Variants in ADAMTS17 observed in about 807,000 individuals in gnomAD.
ADAMTS17 encodes the protein ADAM metallopeptidase with thrombospondin type 1 motif 17.
In ADAMTS17, 113 loss-of-function variants were observed where a neutral mutation model predicts 141.5. The observed-to-expected ratio is 0.80, with a 90% CI of 0.69 to 0.93. The LOEUF (loss-of-function observed/expected upper bound fraction) is 0.93. ADAMTS17 is among the 40% of genes least tolerant of loss of function. The pLI, the probability that ADAMTS17 is intolerant of heterozygous loss-of-function variation, is 0.00. For synonymous variants in ADAMTS17, 768 were observed against 630.6 expected (o/e 1.22, Z -3.27); for missense variants, 1,659 against 1,517.9 (o/e 1.09, Z -1.54).
At chr15:100,261,325 T>C (rs999631711) in intron 6 of ADAMTS17, among the ~76,000 whole-genome samples, 154 bp downstream of exon 6, 1 of 152,220 alleles carries the variant, frequency 6.6e-6, no homozygotes, top group African/African-American at 2.4e-5. Context: ...ATACCACCGT[T>C]AACCCCCACT....
intron 15 of ADAMTS17, among the ~76,000 whole-genome samples, chr15:100,076,929 T>C (rs540045113): frequency 2.0e-5 from 3 of 152,292 alleles, no homozygotes; most frequent in Admixed American, 6.5e-5. Flanking sequence ...GCTCTATTTT[T>C]TTGCTTAAAT....
At chr15:100,236,299 A>AAAC (rs1360202661) in intron 7 of ADAMTS17, among the ~76,000 whole-genome samples, 1 of 150,966 alleles carries the variant, frequency 6.6e-6, no homozygotes, top group African/African-American at 2.4e-5. Context: ...AAAAAAAAAA[A>AAAC]ACCCTAACAA....
intron 7 of ADAMTS17, among the ~76,000 whole-genome samples, chr15:100,234,079 G>A (rs1004302261): frequency 2.0e-5 from 3 of 152,162 alleles, no homozygotes; most frequent in Admixed American, 2.0e-4. Flanking sequence ...TGGCAGGGAG[G>A]AGACCCAGCA....
intron 7 of ADAMTS17, among the ~76,000 whole-genome samples, chr15:100,215,320 T>C (rs1010669781): frequency 2.0e-5 from 3 of 152,364 alleles, no homozygotes; most frequent in Middle Eastern, 3.4e-3. Context: ...TTAGATTTCA[T>C]GTCTGGATCT....
At chr15:99,983,295 G>A (rs2727210) in intron 20 of ADAMTS17, among the ~76,000 whole-genome samples, 2,514 of 152,250 alleles carry the variant, frequency 0.017, 66 homozygotes, top group South Asian at 0.079. Context: ...TCAATAAGTG[G>A]TGTCTGCTGG....
At chr15:100,075,150 T>C (rs1048813737) in intron 15 of ADAMTS17, among the ~76,000 whole-genome samples, 4 of 152,236 alleles carry the variant, frequency 2.6e-5, no homozygotes, top group Admixed American at 6.5e-5. Context: ...AGAATAATTA[T>C]GGTGCATCCT....
intron 10 of ADAMTS17, among the ~76,000 whole-genome samples, chr15:100,134,479 G>A (rs558142966): frequency 6.6e-6 from 1 of 152,330 alleles, no homozygotes; most frequent in Non-Finnish European, 1.5e-5. Flanking sequence ...ACCCTCCAGG[G>A]TGTGGCCAGG....
In ADAMTS17 at chr15:100,132,006, CG is replaced by C. The variant is rs779966272; in HGVS notation, c.1721del (p.Pro575LeufsTer13). 2.5e-6 allele frequency: 4 copies of C among 1,613,974 alleles called. No individual in the cohort carries two copies. Among genetic ancestry groups the C allele is most frequent in the Non-Finnish European group, 8.5e-7 (1 of 1,180,032 alleles). ...RFRQRKCDNP[P>X]PGPGGTHCPG... ...GGGGTATGGCTGGTCAGGGGACTTA[CG>C]GGGGGTTGTCACATTTCCTCTGCCT... On this transcript the variant is annotated frameshift_variant and splice_region_variant, in exon 12 of 22. Coordinates refer to ENST00000268070, the MANE Select transcript of ADAMTS17 (RefSeq NM_139057.4). LOFTEE classifies it high-confidence loss of function.
rs188682639 is a variant in ADAMTS17 at position 100,033,432 on chromosome 15, C to G, written c.2591+15425G>C. On this transcript the variant is annotated intron_variant, in intron 18 of 21. Coordinates refer to ENST00000268070, the MANE Select transcript of ADAMTS17 (RefSeq NM_139057.4). ...AGGGATTTTCCAGTACAGTAGCCCT[C>G]TTGCTAACAGACTTGCCTGCTCTCA... is the stretch of plus-strand genomic sequence containing the variant. Among the ~76,000 whole-genome samples the G allele has an allele frequency of 1.3e-3, 198 of 152,326 alleles. 1 individual carries two copies. Among genetic ancestry groups the G allele is most frequent in the African/African-American group, 4.5e-3 (188 of 41,582 alleles).
chr15:100,079,802 G>T (rs1161965170), intron 15 of ADAMTS17, among the ~76,000 whole-genome samples: 1 of 152,082 alleles, frequency 6.6e-6, no homozygotes, highest in East Asian at 1.9e-4. Flanking sequence ...CACCATCATG[G>T]TATTCCACAC....
chr15:100,129,032 C>T (rs2037895865), intron 12 of ADAMTS17: 1 of 152,232 alleles, frequency 6.6e-6, no homozygotes, highest in South Asian at 2.1e-4. Context: ...TTGATAACGT[C>T]TTATTCTTGC....
intron 3 of ADAMTS17, among the ~76,000 whole-genome samples, chr15:100,305,491 A>AG (rs2045192199): frequency 6.6e-6 from 1 of 152,234 alleles, no homozygotes; most frequent in South Asian, 2.1e-4. Context: ...TGTGTGCACA[A>AG]GGCCCCCTAG....
chr15:100,094,654 G>T (rs1358827728), intron 15 of ADAMTS17, among the ~76,000 whole-genome samples: 2 of 152,210 alleles, frequency 1.3e-5, no homozygotes, highest in Non-Finnish European at 2.9e-5. Context: ...TCACGCACTT[G>T]TAGTCAGTTC....
chr15:99,980,746 T>C (rs1204280873), intron 20 of ADAMTS17: 2 of 152,272 alleles, frequency 1.3e-5, no homozygotes, highest in East Asian at 3.8e-4. Flanking sequence ...CTTCACCCTG[T>C]GCGTCTATTA....
At chr15:100,040,438 C>T (rs1274563642) in intron 18 of ADAMTS17, among the ~76,000 whole-genome samples, 1 of 152,184 alleles carries the variant, frequency 6.6e-6, no homozygotes, top group African/African-American at 2.4e-5. Context: ...CTCACCTTTT[C>T]CCTTTACTTG....
intron 15 of ADAMTS17, among the ~76,000 whole-genome samples, chr15:100,057,841 G>C (rs1166693332): frequency 6.6e-6 from 1 of 152,098 alleles, no homozygotes; most frequent in Non-Finnish European, 1.5e-5. Flanking sequence ...TGCCAGTGCG[G>C]AGAGAAACCG....
intron 7 of ADAMTS17, among the ~76,000 whole-genome samples, chr15:100,240,578 G>C (rs1277134285): frequency 6.6e-6 from 1 of 152,106 alleles, no homozygotes; most frequent in Non-Finnish European, 1.5e-5. Context: ...TCAGTCCAGA[G>C]GGCACCCGAG....
intron 18 of ADAMTS17, among the ~76,000 whole-genome samples, chr15:100,011,175 G>A (rs2061161083): frequency 6.8e-6 from 1 of 148,132 alleles, no homozygotes; most frequent in Non-Finnish European, 1.5e-5. Flanking sequence ...CGAGATGGGT[G>A]ATCAGCCAGG....
At chr15:100,331,082 T>C (rs1426232339) in intron 2 of ADAMTS17, 28 bp from the exon 3 acceptor site, 3 of 1,613,826 alleles carry the variant, frequency 1.9e-6, no homozygotes, top group East Asian at 2.2e-5. Flanking sequence ...GGAAACGCGA[T>C]GTCGGTCATC....
Sources: allele counts gnomAD v4.1 joint callset (sites outside exome capture counted in the v4.1 genomes callset), GRCh38; gene constraint gnomAD v4.1.1; transcripts MANE v1.5; gene names NCBI Gene and HGNC (gene_info 2026-07-23, HGNC 2026-07-21).